The following TTN variants were observed in gnomAD, a reference collection of about 807,000 sequenced individuals.
The protein encoded by TTN is connectin.
A neutral mutation model predicts 3,223.0 loss-of-function variants in TTN; 1,525 were observed. The observed-to-expected ratio is 0.47, with a 90% CI of 0.45 to 0.49. The LOEUF (loss-of-function observed/expected upper bound fraction) is 0.49. TTN is among the 20% of genes least tolerant of loss of function. The pLI is 0.00. For missense variants in TTN, 40,786 were observed against 43,424.0 expected (o/e 0.94, Z 5.40); for synonymous variants, 14,094 against 15,161.0 (o/e 0.93, Z 5.17).
rs750276834 is a variant in TTN at position 178,753,142 on chromosome 2, T to C, written c.11293A>G (p.Ile3765Val). The change falls in exon 47 of 363, where the codon ATT becomes GTT. Residue 3765 changes from isoleucine to valine, a missense_variant. Ile to Val is a conservative substitution (Grantham distance 29). Transcript: ENST00000589042. Reference protein sequence around the residue: ...SILHERIEQEIEMEMKEFSSS... With the variant: ...SILHERIEQEVEMEMKEFSSS... Reference sequence around the variant, plus strand: ...ACAATACCTTTCATTTCCATCTCAATCTCTTGTTCAATCCTCTCATGCAAA... The same window carrying C: ...ACAATACCTTTCATTTCCATCTCAACCTCTTGTTCAATCCTCTCATGCAAA... 6.2e-7 allele frequency: 1 copy of C among 1,609,626 alleles called. No individual in the cohort carries two copies. Among genetic ancestry groups the C allele is most frequent in the Non-Finnish European group, 8.5e-7 (1 of 1,177,496 alleles).
rs1451657059 is a variant in TTN, at chr2:178,611,512, G to T, written c.50717C>A (p.Pro16906Gln). The part of the protein sequence containing the change: ...TEKWMRVNSR[P>Q]IKDLKFKVEE... The stretch of plus-strand genomic sequence containing the variant: ...AACCTTGAATTTCAAGTCCTTTATT[G>T]GGCGAGAATTAACTCTCATCCATTT... Residue 16906 changes from proline to glutamine, a missense_variant, in exon 269 of 363, where the codon CCA (proline) becomes CAA (glutamine). Coordinates refer to ENST00000589042, the MANE Select transcript of TTN (RefSeq NM_001267550.2). 6.2e-7 allele frequency: 1 copy of T among 1,612,746 alleles called. No individual in the cohort carries two copies. The highest frequency in any genetic ancestry group is 8.5e-7 in the Non-Finnish European group (1 of 1,179,274).
In TTN at chr2:178,552,284, G is replaced by T. The variant is rs373893122; in HGVS notation, c.90616C>A (p.Leu30206Ile). The T allele has an allele frequency of 6.2e-7, 1 of 1,613,252 alleles. No homozygotes were observed. The highest frequency in any genetic ancestry group is 8.5e-7 in the Non-Finnish European group (1 of 1,179,656). Reference sequence around the variant, plus strand: ...GCAATTCTACACACTGCATTATCAAGAATAACAGTGTATTTTCCTCCATGC... The same window carrying T: ...GCAATTCTACACACTGCATTATCAATAATAACAGTGTATTTTCCTCCATGC... ...KEHGGKYTVI[L>I]DNAVCRIAVP... Residue 30206 changes from leucine to isoleucine, a missense_variant, in exon 335 of 363, where the codon CTT (leucine) becomes ATT (isoleucine). Physicochemically the swap from Leu to Ile is conservative, Grantham distance 5. Coordinates refer to ENST00000589042, the MANE Select transcript of TTN (RefSeq NM_001267550.2).
At chr2:178,745,786 A>T (rs1574155170) in intron 47 of TTN, 1 of 1,613,224 alleles carries the variant, frequency 6.2e-7, no homozygotes, top group South Asian at 1.1e-5. Flanking sequence ...TTGGAGAGCC[A>T]CGAACTAAGC....
rs767027188 is a variant in TTN at position 178,589,521 on chromosome 2, T to C, written c.62204A>G (p.Glu20735Gly). ...CACTCTGAACTCATAAATCTGGTTT[T>C]CAACACATCTGTCAACCATGTAGTG... ...ETHYMVDRCV[E>G]NQIYEFRVQT... The change falls in exon 304 of 363, where the codon GAA (glutamate) becomes GGA (glycine). Residue 20735 changes from glutamate to glycine, a missense_variant. Transcript: ENST00000589042. 6.2e-7 allele frequency: 1 copy of C among 1,613,376 alleles called. No homozygotes were observed. The highest frequency in any genetic ancestry group is 2.2e-5 in the East Asian group (1 of 44,708).
intron 139 of TTN, 73 bp from the exon 140 acceptor site, chr2:178,680,128 G>A: frequency 6.3e-7 from 1 of 1,586,416 alleles, no homozygotes; most frequent in South Asian, 1.1e-5. Flanking sequence ...AGAAACACAG[G>A]CCCATTTATA....
intron 49 of TTN, chr2:178,737,480 T>G (rs1479781838): frequency 6.6e-6 from 1 of 152,260 alleles, no homozygotes; most frequent in African/African-American, 2.4e-5. Flanking sequence ...TTTTATATTT[T>G]TAGTAGAGAT....
rs527992605 is a variant in TTN, at chr2:178,757,482, T to C, written c.10678+60A>G. 6 of 1,475,452 alleles carry C rather than the reference T, an allele frequency of 4.1e-6. No individual in the cohort carries two copies. In the African/African-American group the frequency reaches 8.4e-5, roughly 21 times the overall value. 91.4% of individuals were successfully genotyped at this position (1,475,452 alleles called of 1,614,324 possible). ...AACAAACAGCAGAGACTCTCATTAG[T>C]AACAGTGGGACTGAGAGGTATACAG... On this transcript the variant is annotated intron_variant, in intron 45 of 362. Coordinates refer to ENST00000589042, the MANE Select transcript of TTN (RefSeq NM_001267550.2).
At chr2:178,679,452 C>A (rs1408895264) in intron 141 of TTN, 36 bp from the exon 142 acceptor site, 1 of 1,603,738 alleles carries the variant, frequency 6.2e-7, no homozygotes, top group Non-Finnish European at 8.5e-7. Flanking sequence ...GTTCTAACTA[C>A]TAGTAACAAC....
chr2:178,587,082 C>G (rs767468556), intron 307 of TTN, 36 bp downstream of exon 307: 1 of 1,609,880 alleles, frequency 6.2e-7, no homozygotes, highest in South Asian at 1.1e-5. Flanking sequence ...AAATAGGAGA[C>G]TGGGGTTAAA....
intron 48 of TTN, among the ~76,000 whole-genome samples, chr2:178,738,724 A>C (rs1355566981): frequency 1.3e-5 from 2 of 152,192 alleles, no homozygotes; most frequent in Non-Finnish European, 2.9e-5. Flanking sequence ...AAGTGAAACA[A>C]CAACAAAAAA....
In TTN at chr2:178,584,430, C is replaced by T. The variant is rs1176792613; in HGVS notation, c.65121G>A (p.Val21707=). The change falls in exon 311 of 363, where the codon GTG becomes GTA. Residue 21707 remains valine, a synonymous_variant. Coordinates refer to ENST00000589042, the MANE Select transcript of TTN (RefSeq NM_001267550.2). ...ACCGGACAAGAGTATCATTGGCTTT[C>T]ACCCACAGCAAACTGTTTCTTTCCT... is the stretch of plus-strand genomic sequence containing the variant. The part of the protein sequence containing the change: ...ERKERNSLLW[V]KANDTLVRST... 6.2e-7 allele frequency: 1 copy of T among 1,613,188 alleles called. No individual in the cohort carries two copies. The highest frequency in any genetic ancestry group is 1.7e-5 in the Admixed American group (1 of 59,960).
intron 113 of TTN, 114 bp downstream of exon 113, chr2:178,697,007 G>C (rs191980157): frequency 1.1e-6 from 1 of 920,826 alleles, no homozygotes; most frequent in Admixed American, 2.4e-5. Context: ...TAACACAGCA[G>C]AGGAGACTCC....
rs980981472 is a variant in TTN, at chr2:178,729,177, T to G, written c.18869-8A>C. 1 of 1,561,458 alleles carries G rather than the reference T, an allele frequency of 6.4e-7. No homozygotes were observed. The highest frequency in any genetic ancestry group is 1.9e-5 in the Admixed American group (1 of 52,368). On this transcript the variant is annotated splice_region_variant and splice_polypyrimidine_tract_variant and intron_variant, in intron 64 of 362. Coordinates refer to ENST00000589042, the MANE Select transcript of TTN (RefSeq NM_001267550.2). ...TAATGAATGATGGTGGTTCTGTGAT[T>G]AAATAAGAGAGTGTGAAAAGAAGAA... is the stretch of plus-strand genomic sequence containing the variant.
intron 168 of TTN, 62 bp downstream of exon 168, chr2:178,664,398 A>C (rs2065477784): frequency 1.5e-5 from 19 of 1,295,750 alleles, no homozygotes; most frequent in Non-Finnish European, 2.0e-5. Flanking sequence ...CAAAACTAGA[A>C]AGGTGGTCCT....
rs1160492654 is a variant in TTN, at chr2:178,711,332, A to T, written c.27904T>A (p.Ser9302Thr). The T allele has an allele frequency of 1.9e-6, 3 of 1,606,412 alleles. No homozygotes were observed. Among genetic ancestry groups the T allele is most frequent in the African/African-American group, 1.3e-5 (1 of 74,570 alleles). ...ACATCTCTCAATTGTCGAGAAAATGATGGTGGAAGTTTTTGCTCTGTAGGA... is the reference window on the plus strand; with the variant it reads ...ACATCTCTCAATTGTCGAGAAAATGTTGGTGGAAGTTTTTGCTCTGTAGGA... ...LTVQEQKLPP[S>T]FSRQLRDVQE... Residue 9302 changes from serine (S) to threonine (T), a missense_variant, in exon 97 of 363, where the codon TCA becomes ACA. Ser to Thr is a moderately conservative substitution (Grantham distance 58). Transcript: ENST00000589042.
At chr2:178,774,653 A>T (rs918570850) in intron 29 of TTN, 180 bp from the exon 30 acceptor site, 31 of 697,350 alleles carry the variant, frequency 4.4e-5, no homozygotes, top group Non-Finnish European at 4.3e-5. Flanking sequence ...TTTTATTTTA[A>T]TTTTTAAATA....
rs397517727 is a variant in TTN, at chr2:178,561,684, A to G, written c.84448T>C (p.Tyr28150His). ...YSESSAVVAEYPFSPPGPPGT... is the reference protein window; with the variant it reads ...YSESSAVVAEHPFSPPGPPGT... The stretch of plus-strand genomic sequence containing the variant: ...GGAGGACCTGGGGGACTGAATGGAT[A>G]CTCTGCAACAACAGCTGAAGATTCA... Residue 28150 changes from tyrosine (Y) to histidine (H), a missense_variant, in exon 326 of 363, where the codon TAT becomes CAT. By Grantham distance (83) the Tyr-to-His change is moderately conservative (BLOSUM62 2). Coordinates refer to ENST00000589042, the MANE Select transcript of TTN (RefSeq NM_001267550.2). 3.7e-5 allele frequency: 60 copies of G among 1,607,234 alleles called. 1 individual carries two copies. In the South Asian group the frequency reaches 6.2e-4, roughly 17 times the overall value.
Position 178,731,474 on chromosome 2 carries a change from T to C in TTN, c.17292A>G (p.Leu5764=). ...CTTCAGTGATTTCATCGCTGTCTTT[T>C]AGCCAAGTCACCGTAATTGGCAAGG... ...KGSLPITVTW[L]KDSDEITEDD... is the part of the protein sequence containing the mutation. The change falls in exon 59 of 363, where the codon CTA becomes CTG. Residue 5764 remains leucine (L), a synonymous_variant. Coordinates refer to ENST00000589042, the MANE Select transcript of TTN (RefSeq NM_001267550.2). 6.2e-7 allele frequency: 1 copy of C among 1,613,740 alleles called. No individual in the cohort carries two copies. The highest frequency in any genetic ancestry group is 8.5e-7 in the Non-Finnish European group (1 of 1,179,780).
Position 178,729,747 on chromosome 2 carries a change from C to T in TTN, c.18506G>A (p.Arg6169Lys). ...GLATFQISGA[R>K]VENSGTYVCE... The stretch of plus-strand genomic sequence containing the variant: ...CACATAAGTCCCACTATTTTCTACC[C>T]TGGCACCAGAAATCTGGAAAGTGGC... The change falls in exon 63 of 363, where the codon AGG (arginine) becomes AAG (lysine). Residue 6169 changes from arginine to lysine, a missense_variant. By Grantham distance (26) the Arg-to-Lys change is conservative. Coordinates refer to ENST00000589042, the MANE Select transcript of TTN (RefSeq NM_001267550.2). 1 of 1,613,794 alleles carries T rather than the reference C, an allele frequency of 6.2e-7. No individual in the cohort carries two copies. The highest frequency in any genetic ancestry group is 8.5e-7 in the Non-Finnish European group (1 of 1,179,738).
Sources: allele counts gnomAD v4.1 joint callset (sites outside exome capture counted in the v4.1 genomes callset), GRCh38; gene constraint gnomAD v4.1.1; transcripts MANE v1.5; gene names NCBI Gene and HGNC (gene_info 2026-07-23, HGNC 2026-07-21).